Variants in ZNF787 observed in about 807,000 individuals in gnomAD.
ZNF787 encodes the protein TTF-I-interacting peptide 20.
ZNF787 carries 7 observed loss-of-function variants against 16.9 expected under a neutral mutation model. The observed-to-expected ratio is 0.42, with a 90% CI of 0.24 to 0.78. The LOEUF is 0.78. Among genes scored for constraint, ZNF787 ranks in the 30% least tolerant of loss-of-function variants. The pLI is 0.30. For missense variants in ZNF787, 551 were observed against 589.3 expected (o/e 0.94, Z 0.67); for synonymous variants, 345 against 270.9 (o/e 1.27, Z -2.69).
chr19:56,105,131 T>TTAAAA (rs1473114113), intron 1 of ZNF787, among the ~76,000 whole-genome samples: 1 of 151,626 alleles, frequency 6.6e-6, no homozygotes, highest in African/African-American at 2.4e-5. Flanking sequence ...AAAATTAAAT[T>TTAAAA]TAAAATAAAA....
At chr19:56,099,691 A>C (rs1986014394) in intron 2 of ZNF787, among the ~76,000 whole-genome samples, 1 of 130,346 alleles carries the variant, frequency 7.7e-6, no homozygotes, top group Admixed American at 9.0e-5. Flanking sequence ...AGCCTGGGAG[A>C]CAGAGTGAGG....
intron 1 of ZNF787, among the ~76,000 whole-genome samples, chr19:56,114,766 G>A (rs2030083141): frequency 6.6e-6 from 1 of 152,036 alleles, no homozygotes; most frequent in South Asian, 2.1e-4. Flanking sequence ...TGCTCCCTGA[G>A]GGCAGGTGCC....
chr19:56,087,901 G>A lies in ZNF787; in HGVS notation c.*122C>T, dbSNP rs561269461. On this transcript the variant is annotated 3_prime_UTR_variant, in exon 3 of 3. Transcript: ENST00000610935. The stretch of plus-strand genomic sequence containing the variant: ...GCGCAGGGACAGAGGAGGGCGGGGA[G>A]CCGGGGATGCCGCGGGGTCCATCGC... 1 of 1,271,258 alleles carries A rather than the reference G, an allele frequency of 7.9e-7. No individual in the cohort carries two copies. The highest frequency in any genetic ancestry group is 1.6e-5 in the African/African-American group (1 of 63,000). The allele number at this position is 1,271,258 out of a possible 1,614,324, so 78.7% of individuals were successfully genotyped here.
In ZNF787 at chr19:56,088,065, C is replaced by A; in HGVS notation, c.1107G>T (p.Ala369=). 7.6e-6 allele frequency: 11 copies of A among 1,451,466 alleles called. No homozygotes were observed. The highest frequency in any genetic ancestry group is 9.9e-6 in the Non-Finnish European group (11 of 1,109,608). 89.9% of individuals were successfully genotyped at this position (1,451,466 alleles called of 1,614,324 possible). A position where few individuals can be genotyped will look rare whatever the true frequency, so the allele number is the denominator to read the frequency against. ...GEEEDDDDEA[A]GGRCPECRGG... ...CGCGGCACTCGGGGCACCGCCCGCC[C>A]GCGGCCTCGTCGTCGTCGTCCTCCT... The change falls in exon 3 of 3, where the codon GCG becomes GCT. Residue 369 remains alanine (A), a synonymous_variant. Transcript: ENST00000610935. This position sits in a 1 kb window ranked among gnomAD's most constrained non-coding sequence, Gnocchi z 8.6.
intron 2 of ZNF787, among the ~76,000 whole-genome samples, chr19:56,097,556 A>G (rs1985918054): frequency 6.6e-6 from 1 of 152,236 alleles, no homozygotes; most frequent in African/African-American, 2.4e-5. Flanking sequence ...TGTAAATGAA[A>G]CGGAATGGAG....
At position 56,087,868 on chromosome 19, in the gene ZNF787, C is replaced by A. The variant is rs376736234; in HGVS notation, c.*155G>T. On this transcript the variant is annotated 3_prime_UTR_variant, in exon 3 of 3. Transcript: ENST00000610935. ...GCCCTAATACGCCCCAGTGCCCCCC[C>A]ACGGACGGCGCAGGGACAGAGGAGG... 9.2e-5 allele frequency: 109 copies of A among 1,188,700 alleles called. No individual in the cohort carries two copies. The highest frequency in any genetic ancestry group is 1.4e-4 in the South Asian group (5 of 35,872). 73.6% of individuals were successfully genotyped at this position (1,188,700 alleles called of 1,614,324 possible).
At chr19:56,108,087 C>T (rs573391065) in intron 1 of ZNF787, among the ~76,000 whole-genome samples, 1 of 152,188 alleles carries the variant, frequency 6.6e-6, no homozygotes, top group African/African-American at 2.4e-5. Flanking sequence ...GCAGCACTGG[C>T]GGCAGCAGCC....
rs867121414 is a variant in ZNF787 at position 56,116,369 on chromosome 19, G to A, written c.-11+4803C>T. 5.9e-5 allele frequency among the ~76,000 whole-genome samples: 9 copies of A among 152,124 alleles called. No individual in the cohort carries two copies. The Middle Eastern group carries it at 0.01, about 174-fold the overall frequency. On this transcript the variant is annotated intron_variant, in intron 1 of 2. Transcript: ENST00000610935. Reference sequence around the variant, plus strand: ...AGGCAGGAGAATGGCATAAACCCAGGAGGCGGAGCTTGCAGTGAGCCAAGA... The same window carrying A: ...AGGCAGGAGAATGGCATAAACCCAGAAGGCGGAGCTTGCAGTGAGCCAAGA...
chr19:56,104,552 G>A (rs530638585), intron 1 of ZNF787, among the ~76,000 whole-genome samples: 2 of 151,934 alleles, frequency 1.3e-5, no homozygotes, highest in South Asian at 2.1e-4. Flanking sequence ...CACGCACCAG[G>A]AAGGTCTCTA....
At chr19:56,110,994 C>A (rs536008550) in intron 1 of ZNF787, among the ~76,000 whole-genome samples, 3 of 152,208 alleles carry the variant, frequency 2.0e-5, no homozygotes, top group Non-Finnish European at 2.9e-5. Flanking sequence ...GGGCGGGGAG[C>A]GCTGGGCCTC....
intron 2 of ZNF787, among the ~76,000 whole-genome samples, chr19:56,091,972 A>AAACGGAAGCCAAAGCCGAAACTG (rs1568523485): frequency 9.0e-6 from 1 of 111,198 alleles, no homozygotes; most frequent in African/African-American, 3.0e-5. Context: ...AACCGAAGCC[A>AAACGGAAGCCAAAGCCGAAACTG]AAGCCGAAGG....
At chr19:56,103,697 A>T (rs73615730) in intron 1 of ZNF787, among the ~76,000 whole-genome samples, 2,311 of 152,024 alleles carry the variant, frequency 0.015, 63 homozygotes, top group African/African-American at 0.053. Flanking sequence ...ACAGGGCAAC[A>T]GGCGCCTAAG....
In ZNF787 at chr19:56,087,697, A is replaced by G. The variant is rs1050730; in HGVS notation, c.*326T>C. 86,792 of 172,000 alleles carry G rather than the reference A, an allele frequency of 0.5. 24,967 individuals are homozygous for G. Among genetic ancestry groups the G allele is most frequent in the South Asian group, 0.66 (3,268 of 4,942 alleles). The allele number at this position is 172,000 out of a possible 1,614,324, so 10.7% of individuals were successfully genotyped here. On this transcript the variant is annotated 3_prime_UTR_variant, in exon 3 of 3. Coordinates refer to ENST00000610935, the MANE Select transcript of ZNF787 (RefSeq NM_001002836.4). ...CCCCCGCCCCGGACAACTGAGGAAG[A>G]GCAGGGAAAATGGCCTTCCGCTTGG...
intron 2 of ZNF787, 22 bp downstream of exon 2, chr19:56,103,117 G>A: frequency 6.2e-7 from 1 of 1,612,326 alleles, no homozygotes; most frequent in African/African-American, 1.3e-5. Flanking sequence ...GGGGTCGGCT[G>A]GGAAGGCCTC....
intron 1 of ZNF787, among the ~76,000 whole-genome samples, 182 bp downstream of exon 1, chr19:56,120,990 T>C (rs1187978372): frequency 3.0e-5 from 3 of 100,898 alleles, no homozygotes; most frequent in African/African-American, 7.7e-5. Context: ...GCACGCGCAC[T>C]CCCCCCGCCC....
chr19:56,103,088 G>A, intron 2 of ZNF787, 51 bp downstream of exon 2: 2 of 1,592,846 alleles, frequency 1.3e-6, no homozygotes, highest in South Asian at 1.1e-5. Flanking sequence ...AAGGAAGCCA[G>A]GGTCAGGTGG....
chr19:56,091,165 A>G (rs1985559302), intron 2 of ZNF787, among the ~76,000 whole-genome samples: 1 of 152,258 alleles, frequency 6.6e-6, no homozygotes, highest in Non-Finnish European at 1.5e-5. Context: ...GCCCCGGGGC[A>G]GTGTGACTGA....
At chr19:56,100,133 G>C (rs532089230) in intron 2 of ZNF787, among the ~76,000 whole-genome samples, 1 of 152,212 alleles carries the variant, frequency 6.6e-6, no homozygotes, top group Non-Finnish European at 1.5e-5. Flanking sequence ...AGGGTCCGGG[G>C]TGAGGGCCCG....
In ZNF787 at chr19:56,088,799, A is replaced by G. The variant is rs551528921; in HGVS notation, c.373T>C (p.Leu125=). The G allele has an allele frequency of 6.2e-6, 10 of 1,609,772 alleles. No homozygotes were observed. Among genetic ancestry groups the G allele is most frequent in the East Asian group, 4.5e-5 (2 of 44,672 alleles). The change falls in exon 3 of 3, where the codon TTG becomes CTG. Residue 125 remains leucine, a synonymous_variant. Transcript: ENST00000610935. This position sits in a 1 kb window ranked among gnomAD's most constrained non-coding sequence, Gnocchi z 8.6. ...CAGCTGAAGCGCTTGCCGCACTCCA[A>G]GCAGGCGTAGGGCTTCTCGCCCGTG... ...IHTGEKPYAC[L]ECGKRFSWSS...
Sources: gnomAD v4.1 joint callset for allele counts (sites outside exome capture counted in the v4.1 genomes callset) on GRCh38, gnomAD v4.1.1 for gene constraint, Gnocchi (gnomAD v3.1) non-coding constraint, MANE v1.5 for transcripts, NCBI Gene and HGNC (gene_info 2026-07-23, HGNC 2026-07-21) for gene names.